Variants in CEP89 observed in about 807,000 individuals in gnomAD.
CEP89 encodes centrosomal protein 89.
Under a neutral mutation model 97.6 loss-of-function variants are expected in CEP89, and 95 were observed. The ratio of observed to expected loss-of-function variants is 0.97; its 90% confidence interval spans 0.82 to 1.15. The LOEUF (loss-of-function observed/expected upper bound fraction) is 1.15. CEP89 is among the 50% of genes most tolerant of loss of function. CEP89 has a pLI of 0.00. For missense variants in CEP89, 869 were observed against 947.7 expected (o/e 0.92, Z 1.09); for synonymous variants, 354 against 349.1 (o/e 1.01, Z -0.16).
chr19:32,940,104 A>G (rs1970657685), intron 5 of CEP89, among the ~76,000 whole-genome samples: 1 of 152,098 alleles, frequency 6.6e-6, no homozygotes, highest in Non-Finnish European at 1.5e-5. Context: ...CCTGACCACC[A>G]TCCGTGGCTC....
rs1970103887 is a variant in CEP89 at position 32,915,420 on chromosome 19, A to C, written c.1482T>G (p.Arg494=). The change falls in exon 14 of 19, where the codon CGT becomes CGG. Residue 494 remains arginine (R), a synonymous_variant. Coordinates refer to ENST00000305768, the MANE Select transcript of CEP89 (RefSeq NM_032816.5). The part of the protein sequence containing the change: ...AENREQLEIL[R]AKCQELKTHS... ...GTGTTTTGAGTTCTTGGCATTTGGC[A>C]CGTAAAATCTCCAGCTGTTCCCTGT... 1.2e-6 allele frequency: 2 copies of C among 1,613,710 alleles called. No individual in the cohort carries two copies. The highest frequency in any genetic ancestry group is 1.6e-4 in the Middle Eastern group (1 of 6,084).
intron 12 of CEP89, among the ~76,000 whole-genome samples, chr19:32,920,773 T>G (rs1970231086): frequency 1.3e-5 from 2 of 152,090 alleles, no homozygotes; most frequent in Admixed American, 1.3e-4. Context: ...CGTGAGCCAC[T>G]GTGCCCAGCC....
intron 5 of CEP89, among the ~76,000 whole-genome samples, chr19:32,943,683 C>G (rs376523497): frequency 1.3e-4 from 20 of 151,704 alleles, no homozygotes; most frequent in African/African-American, 4.8e-4. Flanking sequence ...ATATAAGAGA[C>G]ATTAGGTAGT....
At chr19:32,886,160 A>AG (rs1204263865) in intron 17 of CEP89, among the ~76,000 whole-genome samples, 9 of 152,046 alleles carry the variant, frequency 5.9e-5, no homozygotes, top group African/African-American at 2.2e-4. Flanking sequence ...TTCACTTTGG[A>AG]GTATAGTTTT....
intron 9 of CEP89, among the ~76,000 whole-genome samples, chr19:32,929,977 C>T (rs1347047447): frequency 1.3e-5 from 2 of 150,534 alleles, no homozygotes; most frequent in Non-Finnish European, 3.0e-5. Flanking sequence ...AGCAGGGGAA[C>T]ATAGGGAGTG....
At chr19:32,930,984 C>T (rs1323950217) in intron 9 of CEP89, among the ~76,000 whole-genome samples, 1 of 152,146 alleles carries the variant, frequency 6.6e-6, no homozygotes, top group African/African-American at 2.4e-5. Flanking sequence ...CTCCCATGCT[C>T]AAGAGATCCT....
intron 17 of CEP89, among the ~76,000 whole-genome samples, chr19:32,885,396 C>CT (rs1341268485): frequency 6.6e-6 from 1 of 152,240 alleles, no homozygotes; most frequent in Non-Finnish European, 1.5e-5. Context: ...ACATAGCTCA[C>CT]TGCAGCCTCA....
Position 32,881,914 on chromosome 19 carries a change from C to T in CEP89, c.2065G>A (p.Glu689Lys). The change falls in exon 18 of 19, where the codon GAG becomes AAG. Residue 689 changes from glutamate to lysine, a missense_variant. Physicochemically the swap from Glu to Lys is moderately conservative, Grantham distance 56 (BLOSUM62 1). Transcript: ENST00000305768. ...FAGKTAQYRQ[E>K]MRHLHQVLKD... The stretch of plus-strand genomic sequence containing the variant: ...AGCACCTGGTGCAGGTGCCGCATCT[C>T]CTGCCGGTACTGGGCTGTCTTGCCG... 6.2e-7 allele frequency: 1 copy of T among 1,605,870 alleles called. No individual in the cohort carries two copies. The highest frequency in any genetic ancestry group is 8.5e-7 in the Non-Finnish European group (1 of 1,177,874).
intron 3 of CEP89, among the ~76,000 whole-genome samples, chr19:32,959,016 TCAAAA>T (rs1245269477): frequency 4.6e-4 from 67 of 145,722 alleles, no homozygotes; most frequent in South Asian, 4.4e-4. Flanking sequence ...AAATTCTGTC[TCAAAA>T]CAAAACAAAA....
At chr19:32,964,175 CA>C (rs1198587218) in intron 2 of CEP89, among the ~76,000 whole-genome samples, 1 of 141,404 alleles carries the variant, frequency 7.1e-6, no homozygotes, top group Non-Finnish European at 1.5e-5. Flanking sequence ...TTTGTGTATA[CA>C]TTTTTTTTTT....
intron 3 of CEP89, among the ~76,000 whole-genome samples, chr19:32,954,844 T>TTTTTTTTTTTTTTTTTTTTTTTG (rs1971013530): frequency 6.7e-6 from 1 of 150,218 alleles, no homozygotes. Context: ...TTTCTATTTT[T>TTTTTTTTTTTTTTTTTTTTTTTG]AGTAGAGATG....
At chr19:32,894,952 C>A (rs1969609064) in intron 16 of CEP89, among the ~76,000 whole-genome samples, 1 of 152,154 alleles carries the variant, frequency 6.6e-6, no homozygotes, top group African/African-American at 2.4e-5. Context: ...CTTGAACAGA[C>A]CATTAACAAA....
Position 32,966,409 on chromosome 19 carries a change from G to A in CEP89, c.97C>T (p.Pro33Ser). Residue 33 changes from proline (P) to serine (S), a missense_variant, in exon 2 of 19, where the codon CCA becomes TCA. Pro to Ser is a moderately conservative substitution (Grantham distance 74). Transcript: ENST00000305768. Reference protein sequence around the residue: ...AASVAPKAAVPRTPPPRSPNP... With the variant: ...AASVAPKAAVSRTPPPRSPNP... The stretch of plus-strand genomic sequence containing the variant: ...GGGCTGCGGGGAGGAGGTGTGCGTG[G>A]CACAGCTGCCTTCGGAGCAACGCTG... The A allele has an allele frequency of 1.3e-6, 2 of 1,562,304 alleles. No homozygotes were observed. Among genetic ancestry groups the A allele is most frequent in the South Asian group, 1.2e-5 (1 of 84,030 alleles).
chr19:32,930,807 A>G (rs368205834), intron 9 of CEP89, among the ~76,000 whole-genome samples: 2 of 152,312 alleles, frequency 1.3e-5, no homozygotes, highest in African/African-American at 2.4e-5. Flanking sequence ...AAGTTAATGC[A>G]CTGACAACAG....
chr19:32,948,059 G>C (rs976137577), intron 5 of CEP89, among the ~76,000 whole-genome samples: 1 of 152,088 alleles, frequency 6.6e-6, no homozygotes, highest in African/African-American at 2.4e-5. Flanking sequence ...CTCCAGCCTT[G>C]GCCTTCCAAA....
intron 17 of CEP89, 127 bp from the exon 18 acceptor site, chr19:32,882,140 G>T: frequency 1.3e-6 from 1 of 760,448 alleles, no homozygotes; most frequent in Non-Finnish European, 2.1e-6. Flanking sequence ...CCCCGGATAA[G>T]TTTGGTCTGG....
chr19:32,917,650 G>A (rs1568559115), intron 13 of CEP89: 4 of 210,842 alleles, frequency 1.9e-5, no homozygotes, highest in South Asian at 1.7e-4. Context: ...AAGCAGAAGC[G>A]ATGACTCTTA....
At chr19:32,934,373 G>T (rs1355158977) in intron 7 of CEP89, among the ~76,000 whole-genome samples, 1 of 152,214 alleles carries the variant, frequency 6.6e-6, no homozygotes, top group Admixed American at 6.5e-5. Flanking sequence ...GAAAACCGAG[G>T]TCACATAGGA....
intron 16 of CEP89, among the ~76,000 whole-genome samples, chr19:32,898,300 T>A (rs1969685161): frequency 6.6e-6 from 1 of 152,144 alleles, no homozygotes; most frequent in Non-Finnish European, 1.5e-5. Context: ...ATATGGCATG[T>A]ACTCATTCAT....
Sources: gnomAD v4.1 joint callset for allele counts (sites outside exome capture counted in the v4.1 genomes callset) on GRCh38, gnomAD v4.1.1 for gene constraint, MANE v1.5 for transcripts, NCBI Gene and HGNC (gene_info 2026-07-23, HGNC 2026-07-21) for gene names.